The following RPTOR variants were observed in gnomAD, a reference collection of about 807,000 sequenced individuals.
The protein encoded by RPTOR is regulatory-associated protein of mTOR.
In RPTOR, 21 loss-of-function variants were observed where a neutral mutation model predicts 169.9. The observed-to-expected ratio is 0.12, with a 90% confidence interval of 0.09 to 0.18. The LOEUF is 0.18. Ranked by LOEUF, RPTOR falls within the 10% of genes least tolerant of loss-of-function variation. The pLI is 1.00. For missense variants in RPTOR, 1,133 were observed against 1,855.9 expected, an observed-to-expected ratio of 0.61 and a Z score of 7.16; for synonymous variants, 732 against 753.2, an observed-to-expected ratio of 0.97 and a Z score of 0.46.
At chr17:80,864,563 T>TGG (rs1341920624) in intron 13 of RPTOR, among the ~76,000 whole-genome samples, 5 of 152,158 alleles carry the variant, frequency 3.3e-5, no homozygotes, top group African/African-American at 1.2e-4. Context: ...TATTTCCAAA[T>TGG]GGAGGCAAAA....
At chr17:80,578,093 T>A (rs955028293) in intron 1 of RPTOR, among the ~76,000 whole-genome samples, 3 of 152,130 alleles carry the variant, frequency 2.0e-5, no homozygotes, top group African/African-American at 7.2e-5. Context: ...GCACGTTACA[T>A]TGGAATTTAT....
Position 80,845,455 on chromosome 17 carries a change from C to T in RPTOR, c.1213-1018C>T, listed in dbSNP as rs1423633334. On this transcript the variant is annotated intron_variant, in intron 10 of 33. Coordinates refer to ENST00000306801, the MANE Select transcript of RPTOR (RefSeq NM_020761.3). This position sits in a 1 kb window ranked among gnomAD's most constrained non-coding sequence, Gnocchi z 5.4. The stretch of plus-strand genomic sequence containing the variant: ...AGGAAACAAGAAGCAGTCGCATGAC[C>T]GCCTCTGCCGGGTCCTCCAGCCCTC... Among the ~76,000 whole-genome samples, 3 of 152,138 alleles carry T rather than the reference C, an allele frequency of 2.0e-5. No individual in the cohort carries two copies. Among genetic ancestry groups the T allele is most frequent in the Admixed American group, 6.5e-5 (1 of 15,276 alleles).
intron 20 of RPTOR, among the ~76,000 whole-genome samples, chr17:80,905,555 T>C (rs1196582972): frequency 1.3e-5 from 2 of 150,376 alleles, no homozygotes; most frequent in Non-Finnish European, 3.0e-5. Flanking sequence ...GGGATCGCGC[T>C]GCTGCACTCC....
intron 7 of RPTOR, among the ~76,000 whole-genome samples, chr17:80,810,691 G>C (rs904039125): frequency 1.3e-5 from 2 of 152,142 alleles, no homozygotes; most frequent in African/African-American, 4.8e-5. Flanking sequence ...ATTTTGACTG[G>C]AATTACATTA....
intron 6 of RPTOR, among the ~76,000 whole-genome samples, chr17:80,767,486 C>T (rs2066799661): frequency 6.6e-6 from 1 of 152,170 alleles, no homozygotes; most frequent in Non-Finnish European, 1.5e-5. Context: ...CTGTGAAAGA[C>T]ACAAGTTATC....
chr17:80,664,689 CG>C (rs939422687), intron 3 of RPTOR, among the ~76,000 whole-genome samples: 3 of 152,126 alleles, frequency 2.0e-5, no homozygotes, highest in African/African-American at 4.8e-5. Context: ...GATGTGAAGA[CG>C]AAGGGAGTCT....
intron 6 of RPTOR, among the ~76,000 whole-genome samples, chr17:80,770,753 T>C (rs2066834585): frequency 6.6e-6 from 1 of 152,228 alleles, no homozygotes; most frequent in South Asian, 2.1e-4. Context: ...TCTTCACTTT[T>C]GCTGTCCGCA....
In RPTOR at chr17:80,730,525, G is replaced by A. The variant is rs144151200; in HGVS notation, c.508-35G>A. The A allele has an allele frequency of 9.0e-5, 144 of 1,604,472 alleles. 1 individual carries two copies. The African/African-American group carries it at 1.1e-3, about 13-fold the overall frequency. On this transcript the variant is annotated intron_variant, in intron 4 of 33. Coordinates refer to ENST00000306801, the MANE Select transcript of RPTOR (RefSeq NM_020761.3). This position sits in a 1 kb window ranked among gnomAD's most constrained non-coding sequence, Gnocchi z 4.2. ...CACCAGCAGCCCATATTCCTGAGAC[G>A]CACATGTAACGAGCGCACTTTGTGT...
chr17:80,726,361 G>A lies in RPTOR; in HGVS notation c.508-4199G>A, dbSNP rs1345121378. ...CCACGAGGACCCTGCCGGTAACCTG[G>A]TGCTCGCCGCCCACAGATCACGGGG... On this transcript the variant is annotated intron_variant, in intron 4 of 33. Coordinates refer to ENST00000306801, the MANE Select transcript of RPTOR (RefSeq NM_020761.3). The surrounding 1 kb of genome is among the most constrained non-coding windows in gnomAD (Gnocchi z 4.5). Among the ~76,000 whole-genome samples the A allele has an allele frequency of 6.6e-6, 1 of 152,200 alleles. No individual in the cohort carries two copies. The highest frequency in any genetic ancestry group is 1.5e-5 in the Non-Finnish European group (1 of 68,026).
At chr17:80,907,885 A>G (rs1766639480) in intron 20 of RPTOR, among the ~76,000 whole-genome samples, 1 of 151,780 alleles carries the variant, frequency 6.6e-6, no homozygotes, top group Non-Finnish European at 1.5e-5. Flanking sequence ...CCTGGCCTTC[A>G]CTTCCTAGCC....
intron 13 of RPTOR, 128 bp downstream of exon 13, chr17:80,858,028 CCT>C (rs1293164887): frequency 1.3e-6 from 1 of 758,546 alleles, no homozygotes; most frequent in Non-Finnish European, 2.2e-6. Flanking sequence ...CCGTTCCCTT[CCT>C]CTCTTCTGGG....
At chr17:80,700,541 ATGATGG>A (rs2066080594) in intron 3 of RPTOR, among the ~76,000 whole-genome samples, 1 of 80,698 alleles carries the variant, frequency 1.2e-5, no homozygotes, top group Admixed American at 9.5e-5. Flanking sequence ...GGTGGTGATG[ATGATGG>A]TGGTGGTGAT....
At chr17:80,824,004 T>C (rs537905223) in intron 9 of RPTOR, among the ~76,000 whole-genome samples, 1 of 152,374 alleles carries the variant, frequency 6.6e-6, no homozygotes, top group East Asian at 1.9e-4. Context: ...CGTATTTTCA[T>C]GGCCAGGTTT....
At chr17:80,927,211 A>C (rs1230814378) in intron 24 of RPTOR, among the ~76,000 whole-genome samples, 1 of 152,248 alleles carries the variant, frequency 6.6e-6, no homozygotes, top group Non-Finnish European at 1.5e-5. Flanking sequence ...ACTGCGGCCC[A>C]GTCTGTTGAA....
chr17:80,586,567 T>TC lies in RPTOR; in HGVS notation c.163-39123dup, dbSNP rs573087764. ...ACCCGCCTTCCTGTTTCTGCCTGTG[T>TC]CGCTCTGGCTGGGCAGGGTCCGGGC... On this transcript the variant is annotated intron_variant, in intron 1 of 33. Coordinates refer to ENST00000306801, the MANE Select transcript of RPTOR (RefSeq NM_020761.3). Among the ~76,000 whole-genome samples the TC allele has an allele frequency of 4.6e-5, 7 of 152,376 alleles. No individual in the cohort carries two copies. The East Asian group carries it at 1.4e-3, about 29-fold the overall frequency.
chr17:80,657,414 T>G (rs1389153207), intron 3 of RPTOR, among the ~76,000 whole-genome samples: 4 of 152,244 alleles, frequency 2.6e-5, no homozygotes, highest in African/African-American at 9.6e-5. Context: ...CTTTGACTCC[T>G]GTCTTGGTCT....
intron 7 of RPTOR, among the ~76,000 whole-genome samples, chr17:80,813,865 GGCTTATGCCT>G (rs1276445988): frequency 3.3e-5 from 5 of 152,200 alleles, no homozygotes; most frequent in African/African-American, 1.2e-4. Context: ...TCGGTACGGT[GGCTTATGCCT>G]GTAATCCCAG....
chr17:80,568,947 G>A (rs2064874386), intron 1 of RPTOR, among the ~76,000 whole-genome samples: 1 of 152,172 alleles, frequency 6.6e-6, no homozygotes, highest in Non-Finnish European at 1.5e-5. Flanking sequence ...TTACAGGTGT[G>A]AGCTGCAATG....
rs60046605 is a variant in RPTOR, at chr17:80,651,754, A to T, written c.348+7944A>T. Among the ~76,000 whole-genome samples the T allele has an allele frequency of 0.013, 2,016 of 151,990 alleles. 57 individuals are homozygous for T. Among genetic ancestry groups the T allele is most frequent in the African/African-American group, 0.046 (1,906 of 41,420 alleles). On this transcript the variant is annotated intron_variant, in intron 3 of 33. Transcript: ENST00000306801. The surrounding 1 kb of genome is among the most constrained non-coding windows in gnomAD (Gnocchi z 4.1). ...AAAAAATGGCCAGGCACGGTGGCTC[A>T]CGCCTGTAATCCCAGCACTTTGGGA...
Sources: gnomAD v4.1 joint callset for allele counts (sites outside exome capture counted in the v4.1 genomes callset) on GRCh38, gnomAD v4.1.1 for gene constraint, Gnocchi (gnomAD v3.1) non-coding constraint, MANE v1.5 for transcripts, NCBI Gene and HGNC (gene_info 2026-07-23, HGNC 2026-07-21) for gene names.